Variants in MAP2K6 observed in about 807,000 individuals in gnomAD.
MAP2K6 encodes the protein dual specificity mitogen-activated protein kinase kinase 6.
MAP2K6 carries 16 observed loss-of-function variants against 53.7 expected under a neutral mutation model. The observed-to-expected ratio is 0.30, with a 90% CI of 0.20 to 0.45. The LOEUF (loss-of-function observed/expected upper bound fraction) is 0.45, where lower values mean the gene tolerates loss of function less well. Ranked by LOEUF, MAP2K6 falls within the 20% of genes least tolerant of loss-of-function variation. The pLI, the probability that MAP2K6 is intolerant of heterozygous loss-of-function variation, is 1.00. For synonymous variants in MAP2K6, 132 were observed against 143.1 expected (o/e 0.92, Z 0.55); for missense variants, 204 against 411.9 (o/e 0.50, Z 4.37).
chr17:69,524,688 T>A (rs916945702), intron 8 of MAP2K6, among the ~76,000 whole-genome samples: 8 of 152,162 alleles, frequency 5.3e-5, no homozygotes, highest in African/African-American at 1.9e-4. Context: ...TCCATTACTG[T>A]GTCCAAGAAA....
intron 1 of MAP2K6, among the ~76,000 whole-genome samples, chr17:69,439,526 G>T (rs1906752459): frequency 6.6e-6 from 1 of 152,196 alleles, no homozygotes; most frequent in African/African-American, 2.4e-5. Flanking sequence ...TCTGGGGTGA[G>T]GGAGTTGAAG....
intron 1 of MAP2K6, among the ~76,000 whole-genome samples, chr17:69,439,234 T>G (rs1033051292): frequency 6.6e-6 from 1 of 152,232 alleles, no homozygotes; most frequent in Non-Finnish European, 1.5e-5. Flanking sequence ...CTATGAGGTC[T>G]CCATCTCTCC....
intron 1 of MAP2K6, among the ~76,000 whole-genome samples, chr17:69,482,332 GGTACTATA>G (rs1396708996): frequency 6.6e-6 from 1 of 151,974 alleles, no homozygotes; most frequent in African/African-American, 2.4e-5. Context: ...TTTCTGAATA[GGTACTATA>G]TTCACTTGGT....
chr17:69,452,563 A>G (rs1907266657), intron 1 of MAP2K6, among the ~76,000 whole-genome samples: 1 of 152,216 alleles, frequency 6.6e-6, no homozygotes, highest in Admixed American at 6.5e-5. Context: ...GTAGATTCAC[A>G]TGTCTTTCCC....
At chr17:69,449,468 G>A (rs1567821542) in intron 1 of MAP2K6, among the ~76,000 whole-genome samples, 1 of 146,838 alleles carries the variant, frequency 6.8e-6, no homozygotes, top group Non-Finnish European at 1.5e-5. Flanking sequence ...ACTCCTCAGA[G>A]TCCTCTGAGG....
intron 1 of MAP2K6, among the ~76,000 whole-genome samples, chr17:69,496,416 C>T (rs1035154946): frequency 2.0e-5 from 3 of 151,734 alleles, no homozygotes; most frequent in South Asian, 2.1e-4. Flanking sequence ...GGATTACAAG[C>T]GTGTGCCCCA....
chr17:69,418,528 AC>A (rs972563498), intron 1 of MAP2K6, among the ~76,000 whole-genome samples: 44 of 103,870 alleles, frequency 4.2e-4, no homozygotes, highest in African/African-American at 1.6e-3. Flanking sequence ...ATTCTCTTGG[AC>A]TTTTTTTTTC....
chr17:69,442,306 A>C (rs1041322341), intron 1 of MAP2K6, among the ~76,000 whole-genome samples: 2 of 152,072 alleles, frequency 1.3e-5, no homozygotes, highest in African/African-American at 4.8e-5. Context: ...CTGTTTCCAG[A>C]CCTCTGGATT....
chr17:69,446,556 A>G (rs968793159), intron 1 of MAP2K6, among the ~76,000 whole-genome samples: 4 of 151,272 alleles, frequency 2.6e-5, no homozygotes, highest in Non-Finnish European at 5.9e-5. Context: ...CTAACCTATT[A>G]GGTATGTGTT....
rs551254234 is a variant in MAP2K6 at position 69,505,967 on chromosome 17, C to G, written c.83+121C>G. Reference sequence around the variant, plus strand: ...TAGAAGAGCCCTTTAAGGGGGAAGCCATTTGCTCACTGTTCTGAGACCTGA... The same window carrying G: ...TAGAAGAGCCCTTTAAGGGGGAAGCGATTTGCTCACTGTTCTGAGACCTGA... On this transcript the variant is annotated intron_variant, in intron 2 of 11. Coordinates refer to ENST00000590474, the MANE Select transcript of MAP2K6 (RefSeq NM_002758.4). 200 of 742,840 alleles carry G rather than the reference C, an allele frequency of 2.7e-4. 1 individual carries two copies. In the South Asian group the frequency reaches 3.4e-3, roughly 13 times the overall value. 46.0% of individuals were successfully genotyped at this position (742,840 alleles called of 1,614,324 possible). A position where few individuals can be genotyped will look rare whatever the true frequency, so the allele number is the denominator to read the frequency against.
chr17:69,537,030 C>T (rs1457129679), intron 11 of MAP2K6, among the ~76,000 whole-genome samples: 3 of 152,052 alleles, frequency 2.0e-5, no homozygotes, highest in Non-Finnish European at 2.9e-5. Flanking sequence ...TGCAGTGAGC[C>T]GTGATTGTGC....
At chr17:69,503,313 A>G (rs1012155992) in intron 1 of MAP2K6, among the ~76,000 whole-genome samples, 2 of 152,192 alleles carry the variant, frequency 1.3e-5, no homozygotes, top group African/African-American at 4.8e-5. Flanking sequence ...GAATTGTTGG[A>G]ATTAGGCCAT....
rs369149900 is a variant in MAP2K6, at chr17:69,425,607, G to C, written c.16+10607G>C. ...CTTACAAGCATGAGCCACCGCACCCGGCCTAAACCAATGAATTCTTTCTCG... is the reference window on the plus strand; with the variant it reads ...CTTACAAGCATGAGCCACCGCACCCCGCCTAAACCAATGAATTCTTTCTCG... On this transcript the variant is annotated intron_variant, in intron 1 of 11. Transcript: ENST00000590474. 1.3e-5 allele frequency among the ~76,000 whole-genome samples: 2 copies of C among 152,212 alleles called. 1 individual carries two copies. Among genetic ancestry groups the C allele is most frequent in the South Asian group, 4.2e-4 (2 of 4,812 alleles).
At chr17:69,530,160 C>T (rs148306667) in intron 10 of MAP2K6, among the ~76,000 whole-genome samples, 323 of 152,150 alleles carry the variant, frequency 2.1e-3, no homozygotes, top group African/African-American at 7.1e-3. Context: ...ACAAAAAATA[C>T]ACAAATTAGC....
intron 1 of MAP2K6, among the ~76,000 whole-genome samples, chr17:69,464,974 G>C (rs1907748271): frequency 6.6e-6 from 1 of 152,016 alleles, no homozygotes; most frequent in Non-Finnish European, 1.5e-5. Flanking sequence ...TCGGCCTCCC[G>C]AAGTGCTGGG....
At chr17:69,531,396 T>A (rs1911079298) in intron 10 of MAP2K6, among the ~76,000 whole-genome samples, 1 of 152,192 alleles carries the variant, frequency 6.6e-6, no homozygotes, top group Non-Finnish European at 1.5e-5. Context: ...GGAATCAACT[T>A]GGCACGATGC....
chr17:69,466,974 G>A (rs1907835568), intron 1 of MAP2K6, among the ~76,000 whole-genome samples: 1 of 152,136 alleles, frequency 6.6e-6, no homozygotes, highest in South Asian at 2.1e-4. Flanking sequence ...TTATTATGGT[G>A]GTTCTACCAT....
At chr17:69,479,981 C>G (rs1908290948) in intron 1 of MAP2K6, among the ~76,000 whole-genome samples, 1 of 152,100 alleles carries the variant, frequency 6.6e-6, no homozygotes, top group Admixed American at 6.6e-5. Context: ...AGTGATCCAC[C>G]CGGCTTGGCC....
At chr17:69,455,851 GTTTTTTTTTTTTT>G (rs11317793) in intron 1 of MAP2K6, among the ~76,000 whole-genome samples, 7 of 95,378 alleles carry the variant, frequency 7.3e-5, no homozygotes, top group African/African-American at 3.0e-4. Flanking sequence ...TGGACTTTCA[GTTTTTTTTTTTTT>G]TTTTTTTTTT....
Sources: allele counts gnomAD v4.1 joint callset (sites outside exome capture counted in the v4.1 genomes callset), GRCh38; gene constraint gnomAD v4.1.1; transcripts MANE v1.5; gene names NCBI Gene and HGNC (gene_info 2026-07-23, HGNC 2026-07-21).